PCSK5: variants seen among roughly 807,000 people sequenced by gnomAD.
PCSK5 encodes prohormone convertase 5.
Under a neutral mutation model 233.2 loss-of-function variants are expected in PCSK5, and 129 were observed. The observed-to-expected ratio is 0.55, with a 90% CI of 0.48 to 0.64. The LOEUF is 0.64. Among genes scored for constraint, PCSK5 ranks in the 30% least tolerant of loss-of-function variants. The pLI, the probability that PCSK5 is intolerant of heterozygous loss-of-function variation, is 0.00. For synonymous variants in PCSK5, 825 were observed against 879.2 expected (o/e 0.94, Z 1.09); for missense variants, 2,076 against 2,430.1 (o/e 0.85, Z 3.06).
chr9:76,239,659 G>A (rs1826367700), intron 23 of PCSK5, among the ~76,000 whole-genome samples: 1 of 144,882 alleles, frequency 6.9e-6, no homozygotes, highest in Non-Finnish European at 1.5e-5. Flanking sequence ...TCACACCACC[G>A]CACTCCAGCC....
chr9:76,185,487 G>A (rs1384493377), intron 17 of PCSK5, among the ~76,000 whole-genome samples: 1 of 152,146 alleles, frequency 6.6e-6, no homozygotes, highest in Non-Finnish European at 1.5e-5. Context: ...TGTGATTGGA[G>A]GTAAACTAGG....
chr9:76,090,408 C>T (rs776813121), intron 7 of PCSK5, among the ~76,000 whole-genome samples: 12 of 152,082 alleles, frequency 7.9e-5, no homozygotes, highest in Admixed American at 1.3e-4. Context: ...GGATTAACCC[C>T]ATAGATCTTT....
intron 2 of PCSK5, among the ~76,000 whole-genome samples, chr9:75,978,745 T>G (rs1015327002): frequency 1.1e-4 from 16 of 152,188 alleles, no homozygotes; most frequent in Admixed American, 1.0e-3. Context: ...TTCATAGAGT[T>G]TCAGAGGCGT....
chr9:76,177,747 T>A (rs1823678518), intron 14 of PCSK5, among the ~76,000 whole-genome samples: 1 of 152,198 alleles, frequency 6.6e-6, no homozygotes, highest in Non-Finnish European at 1.5e-5. Flanking sequence ...GTTATATATC[T>A]TTGTGGTTTT....
At chr9:76,327,086 G>A (rs1029414809) in intron 32 of PCSK5, among the ~76,000 whole-genome samples, 11 of 150,916 alleles carry the variant, frequency 7.3e-5, no homozygotes, top group Admixed American at 5.3e-4. Flanking sequence ...GGGCAGCAAA[G>A]TGAAGGCCCA....
chr9:75,963,866 G>A (rs370489734), intron 2 of PCSK5, among the ~76,000 whole-genome samples: 8 of 152,120 alleles, frequency 5.3e-5, no homozygotes, highest in South Asian at 4.1e-4. Flanking sequence ...GTGACAGAGC[G>A]AGACTTCGTC....
At chr9:76,157,247 C>T in intron 11 of PCSK5, 85 bp downstream of exon 11, 1 of 842,302 alleles carries the variant, frequency 1.2e-6, no homozygotes, top group Non-Finnish European at 2.0e-6. Context: ...TCTTGTTGCA[C>T]ACAGAAGCTA....
At chr9:76,273,603 T>C (rs1265277211) in intron 24 of PCSK5, among the ~76,000 whole-genome samples, 1 of 130,506 alleles carries the variant, frequency 7.7e-6, no homozygotes, top group Non-Finnish European at 1.6e-5. Context: ...ATATTTGTAC[T>C]GCTTCTTGAA....
chr9:76,268,382 A>G (rs1293997542), intron 24 of PCSK5, among the ~76,000 whole-genome samples: 1 of 152,204 alleles, frequency 6.6e-6, no homozygotes, highest in Admixed American at 6.5e-5. Flanking sequence ...GTGTTTTTTT[A>G]AAGCCCACAG....
chr9:76,278,916 AT>A (rs555438545), intron 24 of PCSK5, among the ~76,000 whole-genome samples: 199 of 152,028 alleles, frequency 1.3e-3, no homozygotes, highest in African/African-American at 4.3e-3. Flanking sequence ...CACATGTTGC[AT>A]TTTTTTTATT....
intron 9 of PCSK5, among the ~76,000 whole-genome samples, chr9:76,124,636 C>T (rs1832769967): frequency 6.6e-6 from 1 of 151,194 alleles, no homozygotes; most frequent in East Asian, 2.0e-4. Context: ...AACCCAGCTA[C>T]TCGGGAGGCT....
At position 76,134,740 on chromosome 9, in the gene PCSK5, G is replaced by A. The variant is rs946089919; in HGVS notation, c.1312+528G>A. On this transcript the variant is annotated intron_variant, in intron 10 of 37. Coordinates refer to ENST00000674117, the MANE Select transcript of PCSK5 (RefSeq NM_001372043.1). ...TATATAAACTAAAAATTTTAATGAA[G>A]CTTTATAATGTCCAGTCCTTATGCA... 9.9e-5 allele frequency among the ~76,000 whole-genome samples: 15 copies of A among 152,052 alleles called. No individual in the cohort carries two copies. The East Asian group carries it at 2.9e-3, about 29-fold the overall frequency.
chr9:76,285,807 T>C (rs1252698005), intron 24 of PCSK5, among the ~76,000 whole-genome samples: 1 of 149,838 alleles, frequency 6.7e-6, no homozygotes, highest in Non-Finnish European at 1.5e-5. Flanking sequence ...GTGAAGAGAA[T>C]AATAAAATTA....
chr9:76,233,563 A>AGT lies in PCSK5; in HGVS notation c.2835_2836dup (p.Gly946ValfsTer61). On this transcript the variant is annotated frameshift_variant, in exon 22 of 38. Transcript: ENST00000674117. LOFTEE classifies it high-confidence loss of function. The stretch of plus-strand genomic sequence containing the variant: ...CCACACCTGCCAGAGATGCCAAGGA[A>AGT]GTGGCCCTACCCACTGCACCTCCTG... 6.2e-7 allele frequency: 1 copy of AGT among 1,611,832 alleles called. No homozygotes were observed. Among genetic ancestry groups the AGT allele is most frequent in the South Asian group, 1.1e-5 (1 of 91,086 alleles).
chr9:75,970,497 G>T (rs1202279402), intron 2 of PCSK5, among the ~76,000 whole-genome samples: 1 of 152,168 alleles, frequency 6.6e-6, no homozygotes, highest in Admixed American at 6.5e-5. Flanking sequence ...GACTAAATGA[G>T]TCTCAACCAT....
intron 12 of PCSK5, among the ~76,000 whole-genome samples, chr9:76,163,763 ACATT>A (rs370249034): frequency 1.3e-5 from 2 of 152,236 alleles, no homozygotes; most frequent in African/African-American, 4.8e-5. Flanking sequence ...ATACTATGAC[ACATT>A]CAAAGTCTGC....
intron 2 of PCSK5, among the ~76,000 whole-genome samples, chr9:75,966,678 G>A (rs147335366): frequency 2.0e-5 from 3 of 152,314 alleles, no homozygotes; most frequent in African/African-American, 7.2e-5. Flanking sequence ...TGTAGGAAGG[G>A]TGGTAGTGGA....
chr9:76,312,979 G>A (rs1309597275), intron 30 of PCSK5, among the ~76,000 whole-genome samples: 3 of 152,148 alleles, frequency 2.0e-5, no homozygotes. Context: ...GAGATTCCAA[G>A]AGAAAAGAAA....
At position 76,328,021 on chromosome 9, in the gene PCSK5, C is replaced by T. The variant is rs774099593; in HGVS notation, c.4352C>T (p.Ser1451Phe). The change falls in exon 33 of 38, where the codon TCC (serine) becomes TTC (phenylalanine). Residue 1451 changes from serine to phenylalanine, a missense_variant. Ser to Phe is a radical substitution (Grantham distance 155). Coordinates refer to ENST00000674117, the MANE Select transcript of PCSK5 (RefSeq NM_001372043.1). The part of the protein sequence containing the change: ...ETKECRDCHK[S>F]CLTCSSSGTC... The stretch of plus-strand genomic sequence containing the variant: ...TCCACGCCCACAGATTGCCACAAGT[C>T]CTGCTTGACCTGCTCATCATCTGGG... The T allele has an allele frequency of 2.0e-5, 32 of 1,611,426 alleles. No homozygotes were observed. Among genetic ancestry groups the T allele is most frequent in the Non-Finnish European group, 2.4e-5 (28 of 1,178,704 alleles).
Sources: allele counts gnomAD v4.1 joint callset (sites outside exome capture counted in the v4.1 genomes callset), GRCh38; gene constraint gnomAD v4.1.1; transcripts MANE v1.5; gene names NCBI Gene and HGNC (gene_info 2026-07-23, HGNC 2026-07-21).